The following DNAJC13 variants were observed in gnomAD, a reference collection of about 807,000 sequenced individuals.
DNAJC13 encodes the protein DnaJ heat shock protein family (Hsp40) member C13.
A neutral mutation model predicts 290.5 loss-of-function variants in DNAJC13; 75 were observed. The observed-to-expected ratio is 0.26, with a 90% CI of 0.21 to 0.31. The LOEUF (loss-of-function observed/expected upper bound fraction) is 0.31. Ranked by LOEUF, DNAJC13 falls within the 10% of genes least tolerant of loss-of-function variation. DNAJC13 has a pLI of 1.00. For synonymous variants in DNAJC13, 862 were observed against 892.0 expected (o/e 0.97, Z 0.60); for missense variants, 2,260 against 2,674.5 (o/e 0.85, Z 3.42).
intron 1 of DNAJC13, 123 bp downstream of exon 1, chr3:132,417,883 G>C (rs537931802): frequency 6.5e-6 from 1 of 153,142 alleles, no homozygotes; most frequent in African/African-American, 2.4e-5. Flanking sequence ...GCCTGCAGCT[G>C]CTAAGGAAGC....
chr3:132,537,174 T>G (rs1441664911), intron 55 of DNAJC13: 1 of 456,264 alleles, frequency 2.2e-6, no homozygotes, highest in Non-Finnish European at 4.4e-6. Context: ...CTCCTTCCCT[T>G]CTAACTGGCA....
chr3:132,516,908 G>T, intron 48 of DNAJC13, 92 bp downstream of exon 48: 1 of 1,087,586 alleles, frequency 9.2e-7, no homozygotes. Flanking sequence ...AATCTGAGAT[G>T]GTGAGGATAA....
At chr3:132,525,552 G>C in intron 51 of DNAJC13, 58 bp from the exon 52 acceptor site, 1 of 1,535,200 alleles carries the variant, frequency 6.5e-7, no homozygotes, top group Non-Finnish European at 8.8e-7. Flanking sequence ...CATTACCTTG[G>C]ATATTTAGGG....
intron 33 of DNAJC13, 140 bp downstream of exon 33, chr3:132,492,755 C>CG (rs1207647870): frequency 1.4e-6 from 1 of 693,982 alleles, no homozygotes; most frequent in African/African-American, 1.8e-5. Flanking sequence ...CTGTGTGACT[C>CG]TGAGTATAGT....
intron 29 of DNAJC13, among the ~76,000 whole-genome samples, chr3:132,487,973 G>C (rs915458371): frequency 6.6e-6 from 1 of 152,130 alleles, no homozygotes; most frequent in Admixed American, 6.5e-5. Context: ...CAGCTGAGTT[G>C]AAACAAACCG....
rs751350662 is a variant in DNAJC13, at chr3:132,525,578, A to G, written c.6061-32A>G. 2.4e-5 allele frequency: 38 copies of G among 1,606,444 alleles called. No homozygotes were observed. The Admixed American group carries it at 5.8e-4, about 24-fold the overall frequency. ...ATATTTAGGGCTGTATGAGTATTTT[A>G]TAGTTGATTTATTTTTGTTTTACAC... On this transcript the variant is annotated intron_variant, in intron 51 of 55. Transcript: ENST00000260818.
At chr3:132,535,022 C>T (rs1936547115) in intron 55 of DNAJC13, among the ~76,000 whole-genome samples, 1 of 152,212 alleles carries the variant, frequency 6.6e-6, no homozygotes, top group Admixed American at 6.5e-5. Context: ...TCCCAAACTT[C>T]AGAAGATACA....
In DNAJC13 at chr3:132,516,795, A is replaced by C; in HGVS notation, c.5652A>C (p.Ala1884=). The C allele has an allele frequency of 6.2e-7, 1 of 1,613,394 alleles. No individual in the cohort carries two copies. Among genetic ancestry groups the C allele is most frequent in the South Asian group, 1.1e-5 (1 of 91,038 alleles). ...CAGAACTTTTTGCCAAAATGACAGC[A>C]GATAAACTGATAGGTCCAAAGGTAG... ...QTAELFAKMT[A]DKLIGPKVRI... The change falls in exon 48 of 56, where the codon GCA becomes GCC. Residue 1884 remains alanine (A), a synonymous_variant. Transcript: ENST00000260818.
rs182512621 is a variant in DNAJC13, at chr3:132,506,812, A to G, written c.4999-425A>G. Among the ~76,000 whole-genome samples the G allele has an allele frequency of 4.9e-4, 74 of 151,726 alleles. No homozygotes were observed. The East Asian group carries it at 0.012, about 24-fold the overall frequency. On this transcript the variant is annotated intron_variant, in intron 42 of 55. Coordinates refer to ENST00000260818, the MANE Select transcript of DNAJC13 (RefSeq NM_015268.4). The stretch of plus-strand genomic sequence containing the variant: ...TGATCCACCCGCCTCGGCCTCCCTA[A>G]GTGCTGGGATTACAGGCATGAGCCA...
chr3:132,512,986 C>T, intron 44 of DNAJC13, 22 bp from the exon 45 acceptor site: 4 of 1,589,890 alleles, frequency 2.5e-6, no homozygotes, highest in Non-Finnish European at 3.5e-6. Context: ...TGGAAGTAAA[C>T]CATTTTATTC....
At chr3:132,512,807 T>TAAA (rs1044026462) in intron 44 of DNAJC13, among the ~76,000 whole-genome samples, 2 of 152,144 alleles carry the variant, frequency 1.3e-5, no homozygotes, top group Non-Finnish European at 2.9e-5. Flanking sequence ...AAAGTAAACC[T>TAAA]AAAAAGCTCT....
chr3:132,432,174 A>G (rs1045092935), intron 1 of DNAJC13, among the ~76,000 whole-genome samples: 13 of 152,034 alleles, frequency 8.6e-5, no homozygotes, highest in African/African-American at 2.2e-4. Flanking sequence ...TGTATTTTCT[A>G]CAAATTTTTT....
At chr3:132,483,315 A>T (rs1458775333) in intron 27 of DNAJC13, 60 bp from the exon 28 acceptor site, 4 of 1,390,312 alleles carry the variant, frequency 2.9e-6, no homozygotes, top group Non-Finnish European at 4.1e-6. Flanking sequence ...AAAGTAGAAA[A>T]CACTAGTGAG....
chr3:132,459,865 T>C lies in DNAJC13; in HGVS notation c.1450-385T>C, dbSNP rs569885470. Reference sequence around the variant, plus strand: ...CTAACCATCACGCTGGAATGTTTTATACACTCAAAAGAAAATCACCCTGAG... The same window carrying C: ...CTAACCATCACGCTGGAATGTTTTACACACTCAAAAGAAAATCACCCTGAG... On this transcript the variant is annotated intron_variant, in intron 13 of 55. Transcript: ENST00000260818. Among the ~76,000 whole-genome samples, 18 of 152,330 alleles carry C rather than the reference T, an allele frequency of 1.2e-4. No homozygotes were observed. The East Asian group carries it at 3.5e-3, about 29-fold the overall frequency.
At chr3:132,502,259 C>T in intron 39 of DNAJC13, 30 bp from the exon 40 acceptor site, 1 of 1,355,948 alleles carries the variant, frequency 7.4e-7, no homozygotes. Context: ...AACTCTGTAA[C>T]AACTAATGCT....
chr3:132,534,617 G>T (rs1936535912), intron 55 of DNAJC13, among the ~76,000 whole-genome samples: 1 of 152,088 alleles, frequency 6.6e-6, no homozygotes, highest in African/African-American at 2.4e-5. Context: ...CCACACTCCA[G>T]CCTGGGCAAT....
At chr3:132,500,145 A>C (rs148406215) in intron 38 of DNAJC13, among the ~76,000 whole-genome samples, 4 of 152,334 alleles carry the variant, frequency 2.6e-5, no homozygotes, top group African/African-American at 4.8e-5. Context: ...TGTTTCACAT[A>C]TCTTCCATCC....
intron 43 of DNAJC13, among the ~76,000 whole-genome samples, chr3:132,510,378 T>G (rs1471552964): frequency 1.3e-5 from 2 of 152,050 alleles, no homozygotes; most frequent in African/African-American, 4.8e-5. Context: ...ATAGGGAGTT[T>G]TTGCTTTCAT....
In DNAJC13 at chr3:132,480,443, T is replaced by C. The variant is rs1485535854; in HGVS notation, c.2847T>C (p.His949=). The C allele has an allele frequency of 1.2e-6, 2 of 1,613,396 alleles. No individual in the cohort carries two copies. Among genetic ancestry groups the C allele is most frequent in the Non-Finnish European group, 8.5e-7 (1 of 1,179,486 alleles). The change falls in exon 26 of 56, where the codon CAT becomes CAC. Residue 949 remains histidine (H), a synonymous_variant. Transcript: ENST00000260818. ...LVDLLTLAHL[H]VSRATVPLQS... ...ACTTGCTTACCCTTGCACATCTCCA[T>C]GTAAGCCGAGCTACAGTACCACTGC...
Sources: allele counts gnomAD v4.1 joint callset (sites outside exome capture counted in the v4.1 genomes callset), GRCh38; gene constraint gnomAD v4.1.1; transcripts MANE v1.5; gene names NCBI Gene and HGNC (gene_info 2026-07-23, HGNC 2026-07-21).